Variants in CCSER1 observed in about 807,000 individuals in gnomAD.
CCSER1 encodes serine-rich coiled-coil domain-containing protein 1.
CCSER1 carries 41 observed loss-of-function variants against 82.0 expected under a neutral mutation model. The ratio of observed to expected loss-of-function variants is 0.50; its 90% CI spans 0.39 to 0.65. The LOEUF is 0.65. Ranked by LOEUF, CCSER1 falls within the 30% of genes least tolerant of loss-of-function variation. The pLI is 0.00. For missense variants in CCSER1, 1,119 were observed against 1,064.2 expected (o/e 1.05, Z -0.72); for synonymous variants, 414 against 383.9 (o/e 1.08, Z -0.92).
intron 10 of CCSER1, among the ~76,000 whole-genome samples, chr4:91,541,750 G>A (rs982124991): frequency 6.6e-6 from 1 of 152,102 alleles, no homozygotes; most frequent in Non-Finnish European, 1.5e-5. Flanking sequence ...CCCCGTGATG[G>A]GATGGTTGGG....
intron 10 of CCSER1, among the ~76,000 whole-genome samples, chr4:91,583,217 T>C (rs1763816665): frequency 6.6e-6 from 1 of 151,398 alleles, no homozygotes. Context: ...CTAGCACACA[T>C]TTTTTCTATT....
intron 5 of CCSER1, among the ~76,000 whole-genome samples, chr4:90,619,614 G>A (rs540893987): frequency 2.6e-5 from 4 of 151,926 alleles, no homozygotes; most frequent in Non-Finnish European, 4.4e-5. Context: ...TCAACTTTCT[G>A]TCAGTTTTAG....
chr4:91,156,084 G>A (rs138556099), intron 10 of CCSER1, among the ~76,000 whole-genome samples: 1 of 151,878 alleles, frequency 6.6e-6, no homozygotes, highest in Non-Finnish European at 1.5e-5. Context: ...AATAGAGGGG[G>A]TAGATACTTG....
At chr4:90,750,815 A>T (rs1430736493) in intron 7 of CCSER1, among the ~76,000 whole-genome samples, 1 of 152,170 alleles carries the variant, frequency 6.6e-6, no homozygotes, top group Non-Finnish European at 1.5e-5. Flanking sequence ...ACCAAATTGC[A>T]GTTAGCATTA....
chr4:90,191,030 TA>T (rs2153396348), intron 1 of CCSER1, among the ~76,000 whole-genome samples: 1 of 151,992 alleles, frequency 6.6e-6, no homozygotes, highest in South Asian at 2.1e-4. Context: ...CTATCATATC[TA>T]AAAATATTTA....
At chr4:91,201,956 C>T (rs1042017436) in intron 10 of CCSER1, among the ~76,000 whole-genome samples, 2 of 151,886 alleles carry the variant, frequency 1.3e-5, no homozygotes, top group African/African-American at 4.8e-5. Context: ...TGATACATTA[C>T]ACTCTGCTAA....
chr4:90,965,846 G>A (rs1004573037), intron 9 of CCSER1, among the ~76,000 whole-genome samples: 1 of 152,038 alleles, frequency 6.6e-6, no homozygotes, highest in African/African-American at 2.4e-5. Context: ...AAGAAGTGAT[G>A]GAAGCCATGT....
Position 91,272,275 on chromosome 4 carries a change from A to G in CCSER1, c.2217+186281A>G, listed in dbSNP as rs1175951560. 3.9e-5 allele frequency among the ~76,000 whole-genome samples: 6 copies of G among 151,976 alleles called. No homozygotes were observed. In the South Asian group the frequency reaches 8.3e-4, roughly 21 times the overall value. ...TCACACCAATATCTATTATGTTTTGATTTTTTGATTATGGCCATTCTTGCA... is the reference window on the plus strand; with the variant it reads ...TCACACCAATATCTATTATGTTTTGGTTTTTTGATTATGGCCATTCTTGCA... On this transcript the variant is annotated intron_variant, in intron 10 of 10. Coordinates refer to ENST00000509176, the MANE Select transcript of CCSER1 (RefSeq NM_001145065.2).
chr4:91,370,177 T>C (rs1749934789), intron 10 of CCSER1, among the ~76,000 whole-genome samples: 1 of 152,172 alleles, frequency 6.6e-6, no homozygotes, highest in Admixed American at 6.5e-5. Context: ...GAGTTAAGTC[T>C]ACACTTATAA....
chr4:91,176,474 T>A (rs1733387050), intron 10 of CCSER1, among the ~76,000 whole-genome samples: 1 of 152,224 alleles, frequency 6.6e-6, no homozygotes, highest in Non-Finnish European at 1.5e-5. Context: ...CATTCTTCCA[T>A]TTGTTTGTGT....
At chr4:90,326,359 C>T (rs768508423) in intron 3 of CCSER1, among the ~76,000 whole-genome samples, 2 of 152,088 alleles carry the variant, frequency 1.3e-5, no homozygotes, top group Non-Finnish European at 1.5e-5. Flanking sequence ...CGTGCCCAGC[C>T]GATAACTTTT....
chr4:91,508,876 A>T (rs1759673575), intron 10 of CCSER1, among the ~76,000 whole-genome samples: 1 of 151,826 alleles, frequency 6.6e-6, no homozygotes, highest in African/African-American at 2.4e-5. Flanking sequence ...ATATTGGTAT[A>T]TGGTGATTCA....
chr4:91,427,774 T>G (rs1052692372), intron 10 of CCSER1, among the ~76,000 whole-genome samples: 2 of 152,134 alleles, frequency 1.3e-5, no homozygotes, highest in African/African-American at 4.8e-5. Flanking sequence ...AATGACTGTT[T>G]GTCATGGAGT....
intron 10 of CCSER1, among the ~76,000 whole-genome samples, chr4:91,087,153 C>A (rs1723471766): frequency 6.6e-6 from 1 of 152,012 alleles, no homozygotes; most frequent in Non-Finnish European, 1.5e-5. Flanking sequence ...CTAAACTGAT[C>A]ACCTCCTAAA....
chr4:90,456,817 CCCTTTTG>C (rs1350104367), intron 4 of CCSER1, among the ~76,000 whole-genome samples: 3 of 152,208 alleles, frequency 2.0e-5, no homozygotes, highest in Non-Finnish European at 2.9e-5. Context: ...CTTTTACTCA[CCCTTTTG>C]CAGATCCTGG....
chr4:90,323,869 T>C (rs1486850775), intron 3 of CCSER1, among the ~76,000 whole-genome samples: 3 of 152,150 alleles, frequency 2.0e-5, no homozygotes, highest in Admixed American at 2.0e-4. Context: ...CCTTCCTGTG[T>C]CCATGTGTTC....
intron 9 of CCSER1, among the ~76,000 whole-genome samples, chr4:91,012,845 T>G (rs1739115778): frequency 7.5e-6 from 1 of 133,276 alleles, no homozygotes; most frequent in African/African-American, 2.5e-5. Flanking sequence ...ACTGCAGGGG[T>G]CCCCAGTGGT....
intron 8 of CCSER1, among the ~76,000 whole-genome samples, chr4:90,903,130 T>A (rs1033597512): frequency 6.6e-6 from 1 of 152,106 alleles, no homozygotes; most frequent in African/African-American, 2.4e-5. Flanking sequence ...TTCAAAGAAA[T>A]CAAAATCATA....
intron 8 of CCSER1, among the ~76,000 whole-genome samples, chr4:90,920,790 T>C (rs182977049): frequency 2.0e-5 from 3 of 151,982 alleles, no homozygotes; most frequent in Middle Eastern, 3.4e-3. Context: ...TTTCCCTTAG[T>C]GTCCCCTCCC....
Sources: gnomAD v4.1 joint callset for allele counts (sites outside exome capture counted in the v4.1 genomes callset) on GRCh38, gnomAD v4.1.1 for gene constraint, MANE v1.5 for transcripts, NCBI Gene and HGNC (gene_info 2026-07-23, HGNC 2026-07-21) for gene names.